ARHGAP24: variants seen among roughly 807,000 people sequenced by gnomAD.
ARHGAP24 encodes rho GTPase-activating protein 24.
A neutral mutation model predicts 76.4 loss-of-function variants in ARHGAP24; 50 were observed. That is an observed-to-expected ratio of 0.65 (90% CI 0.52 to 0.83). ARHGAP24 has a LOEUF of 0.83. Among genes scored for constraint, ARHGAP24 ranks in the 40% least tolerant of loss-of-function variants. The pLI is 0.00. For missense variants in ARHGAP24, 930 were observed against 914.2 expected, an observed-to-expected ratio of 1.02 and a Z score of -0.22; for synonymous variants, 345 against 323.3, an observed-to-expected ratio of 1.07 and a Z score of -0.72.
At chr4:85,643,710 C>T (rs1721615200) in intron 2 of ARHGAP24, among the ~76,000 whole-genome samples, 1 of 152,028 alleles carries the variant, frequency 6.6e-6, no homozygotes, top group Admixed American at 6.6e-5. Flanking sequence ...TGCAAGTTTA[C>T]AAGAACAGAG....
intron 8 of ARHGAP24, among the ~76,000 whole-genome samples, chr4:85,979,689 C>G (rs1193428369): frequency 6.6e-6 from 1 of 152,290 alleles, no homozygotes; most frequent in Non-Finnish European, 1.5e-5. Flanking sequence ...TTCTTCTCAT[C>G]TACTGCTTAG....
intron 3 of ARHGAP24, among the ~76,000 whole-genome samples, chr4:85,907,984 G>T (rs139390751): frequency 6.6e-6 from 1 of 152,242 alleles, no homozygotes; most frequent in East Asian, 1.9e-4. Flanking sequence ...CTCGGAGCTT[G>T]GATGTAAGCT....
chr4:85,934,448 G>A (rs890006040), intron 4 of ARHGAP24, among the ~76,000 whole-genome samples: 1 of 152,088 alleles, frequency 6.6e-6, no homozygotes, highest in Non-Finnish European at 1.5e-5. Context: ...AATTTCTTCA[G>A]CAAGCTTTCT....
At chr4:85,981,995 A>G (rs1264682105) in intron 8 of ARHGAP24, among the ~76,000 whole-genome samples, 1 of 151,970 alleles carries the variant, frequency 6.6e-6, no homozygotes, top group African/African-American at 2.4e-5. Flanking sequence ...CACTGACATC[A>G]TGCAGGCCTT....
At chr4:85,507,390 T>A (rs184645350) in intron 1 of ARHGAP24, among the ~76,000 whole-genome samples, 1 of 152,328 alleles carries the variant, frequency 6.6e-6, no homozygotes, top group African/African-American at 2.4e-5. Flanking sequence ...TACCTTTTTA[T>A]TCACTGGTAT....
At chr4:85,559,925 T>C (rs1319963569) in intron 1 of ARHGAP24, among the ~76,000 whole-genome samples, 2 of 152,220 alleles carry the variant, frequency 1.3e-5, no homozygotes, top group African/African-American at 2.4e-5. Context: ...TTAAGGGATA[T>C]CTTCAGTTCT....
intron 2 of ARHGAP24, among the ~76,000 whole-genome samples, chr4:85,694,425 C>T (rs921458081): frequency 6.6e-6 from 1 of 151,990 alleles, no homozygotes; most frequent in African/African-American, 2.4e-5. Context: ...TGGAGTAGGA[C>T]CTTTATCTGT....
At chr4:85,770,974 T>G (rs1727111084) in intron 3 of ARHGAP24, among the ~76,000 whole-genome samples, 1 of 152,224 alleles carries the variant, frequency 6.6e-6, no homozygotes, top group Non-Finnish European at 1.5e-5. Context: ...TTGAACACAA[T>G]GAAGAAATAA....
intron 2 of ARHGAP24, among the ~76,000 whole-genome samples, chr4:85,704,857 A>G (rs1018782957): frequency 6.6e-6 from 1 of 152,088 alleles, no homozygotes; most frequent in Admixed American, 6.6e-5. Flanking sequence ...ACCAGATAGA[A>G]TTTTTTTAAT....
chr4:85,754,360 G>A (rs959066207), intron 3 of ARHGAP24, among the ~76,000 whole-genome samples: 2 of 152,138 alleles, frequency 1.3e-5, no homozygotes, highest in African/African-American at 4.8e-5. Flanking sequence ...TCCGTATCTT[G>A]GTTATTAGGA....
At chr4:85,792,353 C>T (rs1280950531) in intron 3 of ARHGAP24, among the ~76,000 whole-genome samples, 1 of 151,968 alleles carries the variant, frequency 6.6e-6, no homozygotes, top group Non-Finnish European at 1.5e-5. Flanking sequence ...ATGGAGTATC[C>T]CGTGTTACCA....
intron 1 of ARHGAP24, among the ~76,000 whole-genome samples, chr4:85,498,584 G>A (rs571397510): frequency 7.9e-5 from 12 of 151,674 alleles, no homozygotes; most frequent in African/African-American, 2.9e-4. Context: ...TGGCCACAAG[G>A]AAGTGAGGAG....
chr4:85,549,066 G>C (rs914524455), intron 1 of ARHGAP24, among the ~76,000 whole-genome samples: 1 of 151,668 alleles, frequency 6.6e-6, no homozygotes, highest in African/African-American at 2.4e-5. Context: ...TTGATGAGTA[G>C]CATTTGGGTT....
chr4:85,886,522 T>C (rs1733577040), intron 3 of ARHGAP24, among the ~76,000 whole-genome samples: 1 of 152,166 alleles, frequency 6.6e-6, no homozygotes, highest in South Asian at 2.1e-4. Context: ...GAATCACCAC[T>C]AAAATAAACA....
intron 1 of ARHGAP24, among the ~76,000 whole-genome samples, chr4:85,520,723 C>T (rs1451129740): frequency 6.6e-6 from 1 of 152,176 alleles, no homozygotes; most frequent in Admixed American, 6.6e-5. Flanking sequence ...TGCACTTGAA[C>T]ATGTACAGTG....
intron 6 of ARHGAP24, among the ~76,000 whole-genome samples, chr4:85,974,228 A>C (rs1578453508): frequency 6.6e-6 from 1 of 152,118 alleles, no homozygotes; most frequent in East Asian, 1.9e-4. Flanking sequence ...CTGCTTTTGC[A>C]CTACAACAGA....
chr4:85,805,063 G>C (rs1728732128), intron 3 of ARHGAP24, among the ~76,000 whole-genome samples: 1 of 152,128 alleles, frequency 6.6e-6, no homozygotes, highest in Admixed American at 6.5e-5. Context: ...AAGTTTATTT[G>C]AGCTACAAGT....
chr4:85,646,300 TAAAG>T (rs1721719766), intron 2 of ARHGAP24, among the ~76,000 whole-genome samples: 1 of 152,050 alleles, frequency 6.6e-6, no homozygotes, highest in Non-Finnish European at 1.5e-5. Flanking sequence ...AATGACCTGT[TAAAG>T]AAATATGCCA....
At chr4:85,635,339 A>T (rs901368890) in intron 2 of ARHGAP24, among the ~76,000 whole-genome samples, 1 of 151,648 alleles carries the variant, frequency 6.6e-6, no homozygotes, top group African/African-American at 2.4e-5. Flanking sequence ...TTACCTGGTG[A>T]TCTAGTTTGT....
Sources: allele counts gnomAD v4.1 joint callset (sites outside exome capture counted in the v4.1 genomes callset), GRCh38; gene constraint gnomAD v4.1.1; transcripts MANE v1.5; gene names NCBI Gene and HGNC (gene_info 2026-07-23, HGNC 2026-07-21).